DYRK1A: variants seen among roughly 807,000 people sequenced by gnomAD.
DYRK1A encodes dual specificity tyrosine phosphorylation regulated kinase 1A.
In DYRK1A, 9 loss-of-function variants were observed where a neutral mutation model predicts 79.7. The ratio of observed to expected loss-of-function variants is 0.11; its 90% CI spans 0.07 to 0.20. The LOEUF (loss-of-function observed/expected upper bound fraction) is 0.20. Among genes scored for constraint, DYRK1A ranks in the 10% least tolerant of loss-of-function variants. The probability of loss-of-function intolerance (pLI) is 1.00; values close to 1 mark genes in which losing one functional copy is unlikely to be tolerated. For synonymous variants in DYRK1A, 349 were observed against 329.7 expected, an observed-to-expected ratio of 1.06 and a Z score of -0.63; for missense variants, 622 against 956.0, an observed-to-expected ratio of 0.65 and a Z score of 4.61.
intron 2 of DYRK1A, among the ~76,000 whole-genome samples, chr21:37,451,113 AAG>A (rs1408972966): frequency 6.6e-6 from 1 of 152,250 alleles, no homozygotes; most frequent in Non-Finnish European, 1.5e-5. Flanking sequence ...AATGTAAAGA[AAG>A]AAAACATTTT....
In DYRK1A at chr21:37,514,377, A is replaced by G. The variant is rs2053841521; in HGVS notation, c.*1846A>G. On this transcript the variant is annotated 3_prime_UTR_variant, in exon 12 of 12. Coordinates refer to ENST00000647188, the MANE Select transcript of DYRK1A (RefSeq NM_001347721.2). ...ACTTTTGAGCGGTTGAATTGGGAGA[A>G]TGAAGATAAGTAATTTACCTGTCCA... The G allele has an allele frequency of 6.6e-6, 1 of 152,634 alleles. No homozygotes were observed. The highest frequency in any genetic ancestry group is 1.5e-5 in the Non-Finnish European group (1 of 68,044). 9.5% of individuals were successfully genotyped at this position (152,634 alleles called of 1,614,324 possible). A position where few individuals can be genotyped will look rare whatever the true frequency, so the allele number is the denominator to read the frequency against.
At chr21:37,468,477 AG>A (rs1240634805) in intron 2 of DYRK1A, among the ~76,000 whole-genome samples, 1 of 152,214 alleles carries the variant, frequency 6.6e-6, no homozygotes, top group African/African-American at 2.4e-5. Flanking sequence ...ATTGTAATTT[AG>A]GTAGTGTCCA....
chr21:37,495,949 C>G lies in DYRK1A; in HGVS notation c.1072-169C>G, dbSNP rs907848217. 6 of 565,590 alleles carry G rather than the reference C, an allele frequency of 1.1e-5. No individual in the cohort carries two copies. In the African/African-American group the frequency reaches 1.1e-4, roughly 11 times the overall value. The allele number at this position is 565,590 out of a possible 1,614,324, so 35.0% of individuals were successfully genotyped here. On this transcript the variant is annotated intron_variant, in intron 8 of 11. Transcript: ENST00000647188. ...CTTCCCTTCTGTGGGGTATTTGACTCAAGGAAGGTAGGGCCTTTCTTGTGT... is the reference window on the plus strand; with the variant it reads ...CTTCCCTTCTGTGGGGTATTTGACTGAAGGAAGGTAGGGCCTTTCTTGTGT...
At chr21:37,414,441 T>C (rs2050299246) in intron 1 of DYRK1A, among the ~76,000 whole-genome samples, 1 of 152,116 alleles carries the variant, frequency 6.6e-6, no homozygotes, top group Admixed American at 6.6e-5. Flanking sequence ...GTACTTACTT[T>C]TTGTAATTAT....
At chr21:37,459,545 GTTTA>G (rs2051769174) in intron 2 of DYRK1A, among the ~76,000 whole-genome samples, 1 of 152,056 alleles carries the variant, frequency 6.6e-6, no homozygotes, top group Admixed American at 6.5e-5. Context: ...GGTAGATTTT[GTTTA>G]TTTAATTATT....
At chr21:37,398,120 A>G (rs560484186) in intron 1 of DYRK1A, among the ~76,000 whole-genome samples, 19 of 147,824 alleles carry the variant, frequency 1.3e-4, no homozygotes, top group Admixed American at 8.8e-4. Flanking sequence ...TATATTTTAT[A>G]TTTATATATG....
intron 1 of DYRK1A, among the ~76,000 whole-genome samples, chr21:37,394,491 C>T (rs1442101519): frequency 6.6e-6 from 1 of 152,080 alleles, no homozygotes; most frequent in Admixed American, 6.5e-5. Context: ...AGCCACTGGG[C>T]CGTGGACCGG....
At position 37,512,205 on chromosome 21, in the gene DYRK1A, A is replaced by G; in HGVS notation, c.1939A>G (p.Thr647Ala). ...MEVGHSHHSM[T>A]SLSSSTTSSS... is the part of the protein sequence containing the mutation. ...GGTTGGCCACAGTCACCACTCCATG[A>G]CATCCCTGTCTTCCTCAACGACTTC... The change falls in exon 12 of 12, where the codon ACA becomes GCA. Residue 647 changes from threonine to alanine, a missense_variant. This residue lies in a region of DYRK1A where 292 missense variants were observed against 316.7 expected (regional missense o/e 0.92). Transcript: ENST00000647188. 1 of 1,614,184 alleles carries G rather than the reference A, an allele frequency of 6.2e-7. No homozygotes were observed. The highest frequency in any genetic ancestry group is 8.5e-7 in the Non-Finnish European group (1 of 1,180,024).
chr21:37,468,072 G>T (rs993776034), intron 2 of DYRK1A, among the ~76,000 whole-genome samples: 2 of 152,120 alleles, frequency 1.3e-5, no homozygotes, highest in Non-Finnish European at 2.9e-5. Flanking sequence ...TGGATTTGAT[G>T]AGGTGAATCA....
intron 1 of DYRK1A, among the ~76,000 whole-genome samples, chr21:37,411,470 A>G (rs1346414334): frequency 1.3e-5 from 2 of 151,942 alleles, no homozygotes; most frequent in Non-Finnish European, 2.9e-5. Flanking sequence ...AGGTAGAGTA[A>G]TAGCATGCTC....
In DYRK1A at chr21:37,524,464, T is replaced by C. The variant is rs1203860480; in HGVS notation, c.*11933T>C. On this transcript the variant is annotated 3_prime_UTR_variant, in exon 12 of 12. Transcript: ENST00000647188. ...AGTAAGTTTCAGATGGCTCATTTGT[T>C]AGCCAAGCAAGGAAAGTCACTTATG... is the stretch of plus-strand genomic sequence containing the variant. The C allele has an allele frequency of 6.6e-6, 1 of 152,352 alleles. No homozygotes were observed. Among genetic ancestry groups the C allele is most frequent in the African/African-American group, 2.4e-5 (1 of 41,588 alleles). The allele number at this position is 152,352 out of a possible 1,614,324, so 9.4% of individuals were successfully genotyped here. A position where few individuals can be genotyped will look rare whatever the true frequency, so the allele number is the denominator to read the frequency against.
chr21:37,514,180 A>G lies in DYRK1A; in HGVS notation c.*1649A>G, dbSNP rs970542191. 6.5e-6 allele frequency: 1 copy of G among 152,734 alleles called. No individual in the cohort carries two copies. The highest frequency in any genetic ancestry group is 2.4e-5 in the African/African-American group (1 of 41,574). 9.5% of individuals were successfully genotyped at this position (152,734 alleles called of 1,614,324 possible). A position where few individuals can be genotyped will look rare whatever the true frequency, so the allele number is the denominator to read the frequency against. ...TGAAAGCAAGACCTTGATTGCACCA[A>G]CAGGTCCAGAGTATGAGTGCAAGCA... On this transcript the variant is annotated 3_prime_UTR_variant, in exon 12 of 12. Coordinates refer to ENST00000647188, the MANE Select transcript of DYRK1A (RefSeq NM_001347721.2).
intron 1 of DYRK1A, among the ~76,000 whole-genome samples, chr21:37,409,404 A>C (rs899403941): frequency 6.6e-6 from 1 of 152,156 alleles, no homozygotes; most frequent in Non-Finnish European, 1.5e-5. Context: ...AGATTCAGCA[A>C]CGCTAAGCAC....
chr21:37,387,482 C>T (rs2049782535), intron 1 of DYRK1A, among the ~76,000 whole-genome samples: 1 of 152,112 alleles, frequency 6.6e-6, no homozygotes, highest in African/African-American at 2.4e-5. Flanking sequence ...TTTTAGTAGC[C>T]ACTCAATGTA....
chr21:37,387,059 C>CT (rs1383490915), intron 1 of DYRK1A, among the ~76,000 whole-genome samples: 2 of 152,184 alleles, frequency 1.3e-5, no homozygotes, highest in Admixed American at 6.5e-5. Flanking sequence ...ACTGGGCATG[C>CT]TTTCCTTGAG....
intron 1 of DYRK1A, among the ~76,000 whole-genome samples, chr21:37,401,362 A>G (rs2050049338): frequency 6.6e-6 from 1 of 152,004 alleles, no homozygotes; most frequent in Non-Finnish European, 1.5e-5. Context: ...ATTAATTTTA[A>G]TATTTGATTT....
At chr21:37,463,114 G>A (rs902244480) in intron 2 of DYRK1A, among the ~76,000 whole-genome samples, 5 of 151,902 alleles carry the variant, frequency 3.3e-5, no homozygotes, top group African/African-American at 9.7e-5. Context: ...CAATTTCATT[G>A]TGTTTCTAGA....
chr21:37,470,342 C>T (rs73903994), intron 2 of DYRK1A, among the ~76,000 whole-genome samples: 1 of 151,952 alleles, frequency 6.6e-6, no homozygotes, highest in African/African-American at 2.4e-5. Context: ...TGATTTTTAT[C>T]CTCTTTTCTA....
chr21:37,504,972 TACA>T (rs896251094), intron 9 of DYRK1A: 2 of 255,770 alleles, frequency 7.8e-6, no homozygotes, highest in African/African-American at 4.5e-5. Context: ...TGCTTGTTTT[TACA>T]ACCTTTGAAA....
Sources: gnomAD v4.1 joint callset for allele counts (sites outside exome capture counted in the v4.1 genomes callset) on GRCh38, gnomAD v4.1.1 for gene constraint, gnomAD v4.1.1 regional missense constraint, MANE v1.5 for transcripts, NCBI Gene and HGNC (gene_info 2026-07-23, HGNC 2026-07-21) for gene names.